The following MAFF variants were observed in gnomAD, a reference collection of about 807,000 sequenced individuals.
The protein encoded by MAFF is transcription factor MafF.
A neutral mutation model predicts 2.7 loss-of-function variants in MAFF; 4 were observed. The observed-to-expected ratio is 1.48, with a 90% CI of 0.73 to 3.39. The LOEUF is 3.39. MAFF is among the 30% of genes most tolerant of loss of function. MAFF has a pLI of 0.01. For missense variants in MAFF, 190 were observed against 246.6 expected (o/e 0.77, Z 1.54); for synonymous variants, 113 against 119.4 (o/e 0.95, Z 0.35).
intron 1 of MAFF, among the ~76,000 whole-genome samples, chr22:38,204,885 G>A (rs1229868685): frequency 2.6e-5 from 4 of 152,096 alleles, no homozygotes; most frequent in Admixed American, 6.6e-5. Context: ...CAGGCTCGTG[G>A]GTTTGTGTCA....
In MAFF at chr22:38,214,226, C is replaced by A. The variant is rs1433130945; in HGVS notation, c.37-194C>A. On this transcript the variant is annotated intron_variant, in intron 2 of 2. Transcript: ENST00000338483. This position sits in a 1 kb window ranked among gnomAD's most constrained non-coding sequence, Gnocchi z 6.3. ...GCTAGGTTAGAATTCAGGCTGAGCCCCGGGGTGGCCTCCTTTTGTGTCCCG... is the reference window on the plus strand; with the variant it reads ...GCTAGGTTAGAATTCAGGCTGAGCCACGGGGTGGCCTCCTTTTGTGTCCCG... Among the ~76,000 whole-genome samples, 1 of 152,266 alleles carries A rather than the reference C, an allele frequency of 6.6e-6. No homozygotes were observed. The highest frequency in any genetic ancestry group is 6.5e-5 in the Admixed American group (1 of 15,290).
chr22:38,207,651 G>A (rs993020027), intron 1 of MAFF, among the ~76,000 whole-genome samples: 2 of 151,378 alleles, frequency 1.3e-5, no homozygotes, highest in African/African-American at 4.9e-5. Flanking sequence ...CCCAGGGAGT[G>A]CAGTGGCGGG....
chr22:38,214,771 C>A lies in MAFF; in HGVS notation c.388C>A (p.Leu130Ile). Residue 130 changes from leucine to isoleucine, a missense_variant, in exon 3 of 3, where the codon CTC (leucine) becomes ATC (isoleucine). Around this residue, in one of 2 missense-constraint regions of MAFF, gnomAD observed 103 missense variants for 103.0 expected, o/e 1.00. Coordinates refer to ENST00000338483, the MANE Select transcript of MAFF (RefSeq NM_012323.4). The surrounding 1 kb of genome is among the most constrained non-coding windows in gnomAD (Gnocchi z 6.3). ...SVAAARGPAT[L>I]VAPASVITIV... ...GGCCGCCGCCCGCGGGCCCGCCACG[C>A]TCGTGGCGCCGGCCAGCGTCATCAC... 2.1e-6 allele frequency: 3 copies of A among 1,440,438 alleles called. No individual in the cohort carries two copies. The highest frequency in any genetic ancestry group is 2.7e-6 in the Non-Finnish European group (3 of 1,103,124). 89.2% of individuals were successfully genotyped at this position (1,440,438 alleles called of 1,614,324 possible).
At chr22:38,211,320 G>A (rs1602335575) in intron 1 of MAFF, among the ~76,000 whole-genome samples, 2 of 151,514 alleles carry the variant, frequency 1.3e-5, no homozygotes, top group Non-Finnish European at 2.9e-5. Flanking sequence ...TCCGCCTCCC[G>A]GGTTCAAGCG....
intron 1 of MAFF, among the ~76,000 whole-genome samples, chr22:38,209,037 T>C (rs1194538944): frequency 6.8e-6 from 1 of 148,122 alleles, no homozygotes; most frequent in Non-Finnish European, 1.5e-5. Context: ...TAGGGAACCA[T>C]GGAAGGTTTT....
intron 1 of MAFF, among the ~76,000 whole-genome samples, chr22:38,213,176 C>CAAAAAAAAA (rs57782814): frequency 1.1e-4 from 12 of 114,104 alleles, no homozygotes; most frequent in East Asian, 5.5e-4. Flanking sequence ...GACTCTGTCT[C>CAAAAAAAAA]AAAAAAAAAA....
At chr22:38,213,597 G>A (rs535164600) in intron 1 of MAFF, 5 of 641,828 alleles carry the variant, frequency 7.8e-6, no homozygotes, top group Admixed American at 6.3e-5. Context: ...ATGATGAGGA[G>A]TCACCATGGG....
intron 1 of MAFF, among the ~76,000 whole-genome samples, chr22:38,210,474 C>T (rs982635095): frequency 6.6e-6 from 1 of 151,996 alleles, no homozygotes; most frequent in South Asian, 2.1e-4. Context: ...TGGGGGAGGC[C>T]GCGGTGAATC....
At chr22:38,204,666 C>T (rs1390667250) in intron 1 of MAFF, among the ~76,000 whole-genome samples, 1 of 152,200 alleles carries the variant, frequency 6.6e-6, no homozygotes, top group African/African-American at 2.4e-5. Context: ...ACTCAGGCAA[C>T]TTCCTCCCTC....
At chr22:38,212,752 G>C (rs2091110457) in intron 1 of MAFF, among the ~76,000 whole-genome samples, 1 of 152,190 alleles carries the variant, frequency 6.6e-6, no homozygotes, top group Admixed American at 6.5e-5. Flanking sequence ...GGCCTGGGGA[G>C]AGAGGGGACT....
rs559193654 is a variant in MAFF at position 38,213,989 on chromosome 22, T to C, written c.36+100T>C. The C allele has an allele frequency of 6.7e-5, 91 of 1,352,824 alleles. No individual in the cohort carries two copies. In the African/African-American group the frequency reaches 1.2e-3, roughly 18 times the overall value. The allele number at this position is 1,352,824 out of a possible 1,614,324, so 83.8% of individuals were successfully genotyped here. On this transcript the variant is annotated intron_variant, in intron 2 of 2. Transcript: ENST00000338483. ...CCCTTCTTTCCTGGAATCCCCTGGG[T>C]GGCTCAGCAGGCACCAGGCCTTCAT...
At chr22:38,213,993 T>TC in intron 2 of MAFF, 104 bp downstream of exon 2, 1 of 1,280,578 alleles carries the variant, frequency 7.8e-7, no homozygotes, top group Non-Finnish European at 1.1e-6. Context: ...CCTGGGTGGC[T>TC]CAGCAGGCAC....
At position 38,216,328 on chromosome 22, in the gene MAFF, T is replaced by C. The variant is rs1376615978; in HGVS notation, c.*1450T>C. 6.2e-6 allele frequency: 1 copy of C among 161,014 alleles called. No individual in the cohort carries two copies. Among genetic ancestry groups the C allele is most frequent in the Admixed American group, 6.5e-5 (1 of 15,270 alleles). The allele number at this position is 161,014 out of a possible 1,614,324, so 10.0% of individuals were successfully genotyped here. On this transcript the variant is annotated 3_prime_UTR_variant, in exon 3 of 3. Transcript: ENST00000338483. Reference sequence around the variant, plus strand: ...AGGCAGAGGTTGTAGTGAGCTGAGATCGCACCACTGCACTCCAGCCTGGGC... The same window carrying C: ...AGGCAGAGGTTGTAGTGAGCTGAGACCGCACCACTGCACTCCAGCCTGGGC...
In MAFF at chr22:38,202,784, G is replaced by C. The variant is rs898230771; in HGVS notation, c.-32+572G>C. On this transcript the variant is annotated intron_variant, in intron 1 of 2. Transcript: ENST00000338483. This position sits in a 1 kb window ranked among gnomAD's most constrained non-coding sequence, Gnocchi z 7.4. ...CCTCGGAGAGGGCGTGCCCTGGGCC[G>C]GCCACCGGAGTAAACGCGGAACAAG... 6.6e-6 allele frequency: 1 copy of C among 152,152 alleles called. No homozygotes were observed. Among genetic ancestry groups the C allele is most frequent in the Admixed American group, 6.5e-5 (1 of 15,282 alleles). The allele number at this position is 152,152 out of a possible 1,614,324, so 9.4% of individuals were successfully genotyped here.
chr22:38,214,336 T>G lies in MAFF; in HGVS notation c.37-84T>G. On this transcript the variant is annotated intron_variant, in intron 2 of 2. Coordinates refer to ENST00000338483, the MANE Select transcript of MAFF (RefSeq NM_012323.4). The surrounding 1 kb of genome is among the most constrained non-coding windows in gnomAD (Gnocchi z 6.3). ...CAAGTCCACCCACCACCTCGGCGGC[T>G]AAGGCGGTGAAAGAGGAACACCGCG... 5.3e-6 allele frequency: 7 copies of G among 1,316,942 alleles called. No individual in the cohort carries two copies. Among genetic ancestry groups the G allele is most frequent in the Non-Finnish European group, 7.1e-6 (7 of 981,302 alleles). The allele number at this position is 1,316,942 out of a possible 1,614,324, so 81.6% of individuals were successfully genotyped here. A position where few individuals can be genotyped will look rare whatever the true frequency, so the allele number is the denominator to read the frequency against.
chr22:38,205,782 G>A (rs2091046916), intron 1 of MAFF: 1 of 152,218 alleles, frequency 6.6e-6, no homozygotes, highest in Non-Finnish European at 1.5e-5. Context: ...ACAGGGGATC[G>A]GATCAGCTAC....
intron 1 of MAFF, among the ~76,000 whole-genome samples, chr22:38,209,415 T>C (rs769250830): frequency 2.0e-5 from 3 of 152,016 alleles, no homozygotes; most frequent in Non-Finnish European, 4.4e-5. Context: ...ATTCGCGTGG[T>C]GCAAAGATTG....
intron 1 of MAFF, chr22:38,204,089 ACT>A (rs2091035022): frequency 6.6e-6 from 1 of 152,210 alleles, no homozygotes; most frequent in Admixed American, 6.5e-5. Flanking sequence ...GAAAGTTAGC[ACT>A]GAGAAGTTTA....
intron 1 of MAFF, among the ~76,000 whole-genome samples, chr22:38,206,251 A>G (rs1227827819): frequency 6.6e-6 from 1 of 151,442 alleles, no homozygotes; most frequent in Non-Finnish European, 1.5e-5. Context: ...CTCACTGGGA[A>G]TTGGTGCTGT....
Sources: allele counts gnomAD v4.1 joint callset (sites outside exome capture counted in the v4.1 genomes callset), GRCh38; gene constraint gnomAD v4.1.1; regional missense constraint gnomAD v4.1.1; non-coding constraint Gnocchi (gnomAD v3.1); transcripts MANE v1.5; gene names NCBI Gene and HGNC (gene_info 2026-07-23, HGNC 2026-07-21).